The following CACNA2D2 variants were observed in gnomAD, a reference collection of about 807,000 sequenced individuals.
The protein encoded by CACNA2D2 is calcium voltage-gated channel auxiliary subunit alpha2delta 2.
Under a neutral mutation model 166.4 loss-of-function variants are expected in CACNA2D2, and 48 were observed. That is an observed-to-expected ratio of 0.29 (90% confidence interval 0.23 to 0.37). CACNA2D2 has a LOEUF of 0.37. Among genes scored for constraint, CACNA2D2 ranks in the 10% least tolerant of loss-of-function variants. CACNA2D2 has a pLI of 1.00. For missense variants in CACNA2D2, 1,122 were observed against 1,433.0 expected, an observed-to-expected ratio of 0.78 and a Z score of 3.50; for synonymous variants, 561 against 573.7, an observed-to-expected ratio of 0.98 and a Z score of 0.32.
Position 50,370,391 on chromosome 3 carries a change from A to G in CACNA2D2, c.1985-11T>C. 1 of 1,288,852 alleles carries G rather than the reference A, an allele frequency of 7.8e-7. No individual in the cohort carries two copies. The highest frequency in any genetic ancestry group is 1.2e-5 in the South Asian group (1 of 81,998). The allele number at this position is 1,288,852 out of a possible 1,614,324, so 79.8% of individuals were successfully genotyped here. A position where few individuals can be genotyped will look rare whatever the true frequency, so the allele number is the denominator to read the frequency against. On this transcript the variant is annotated splice_polypyrimidine_tract_variant and intron_variant, in intron 22 of 37. Coordinates refer to ENST00000424201, the MANE Select transcript of CACNA2D2 (RefSeq NM_006030.4). ...GCAGGAACTCAAAATCTGCAACAGA[A>G]ACGGGGGGTTATCCGGCGGGGGCTG...
At chr3:50,463,349 T>C (rs181450971) in intron 2 of CACNA2D2, among the ~76,000 whole-genome samples, 50 of 152,228 alleles carry the variant, frequency 3.3e-4, no homozygotes, top group Non-Finnish European at 4.4e-5. Flanking sequence ...TCACTCAGAC[T>C]GGCGTGCAGA....
chr3:50,483,080 C>T (rs1698122737), intron 1 of CACNA2D2, among the ~76,000 whole-genome samples: 1 of 152,216 alleles, frequency 6.6e-6, no homozygotes, highest in Admixed American at 6.5e-5. Context: ...CATGCTTGCT[C>T]AGCTGATTCA....
chr3:50,436,263 T>C (rs1708314607), intron 2 of CACNA2D2, among the ~76,000 whole-genome samples: 1 of 152,204 alleles, frequency 6.6e-6, no homozygotes, highest in African/African-American at 2.4e-5. Context: ...GGGGCACTGC[T>C]GCCCGGCTTC....
At chr3:50,411,026 C>A (rs1706988590) in intron 3 of CACNA2D2, among the ~76,000 whole-genome samples, 1 of 152,180 alleles carries the variant, frequency 6.6e-6, no homozygotes, top group Non-Finnish European at 1.5e-5. Flanking sequence ...CCAGAACTCC[C>A]CTCCTGAGGC....
At chr3:50,466,084 T>C (rs1028614623) in intron 2 of CACNA2D2, among the ~76,000 whole-genome samples, 3 of 152,236 alleles carry the variant, frequency 2.0e-5, no homozygotes, top group South Asian at 4.1e-4. Flanking sequence ...CTGTGAGCAC[T>C]GGATTAGGGA....
intron 6 of CACNA2D2, among the ~76,000 whole-genome samples, chr3:50,382,664 T>A (rs1425948119): frequency 6.6e-6 from 1 of 152,238 alleles, no homozygotes; most frequent in Non-Finnish European, 1.5e-5. Context: ...TTTCTATTTT[T>A]CTCTCTAAGG....
At chr3:50,449,518 G>C (rs1709008776) in intron 2 of CACNA2D2, among the ~76,000 whole-genome samples, 1 of 152,156 alleles carries the variant, frequency 6.6e-6, no homozygotes, top group African/African-American at 2.4e-5. Flanking sequence ...TAGTGGTTGG[G>C]ACTAGGGGGT....
rs372104543 is a variant in CACNA2D2 at position 50,501,487 on chromosome 3, G to A, written c.206+1731C>T. ...AACAGCGTCCAGCTGGAAGTGTGTC[G>A]CTGCCGTCACACCCGCCTCGCCATC... On this transcript the variant is annotated intron_variant, in intron 1 of 37. Transcript: ENST00000424201. Among the ~76,000 whole-genome samples the A allele has an allele frequency of 3.9e-4, 59 of 151,008 alleles. 1 individual carries two copies. The East Asian group carries it at 4.3e-3, about 11-fold the overall frequency.
chr3:50,438,895 C>G (rs1008803298), intron 2 of CACNA2D2, among the ~76,000 whole-genome samples: 1 of 152,198 alleles, frequency 6.6e-6, no homozygotes, highest in African/African-American at 2.4e-5. Flanking sequence ...AGGAACAGCC[C>G]TGTTTGCCCC....
intron 6 of CACNA2D2, among the ~76,000 whole-genome samples, chr3:50,382,555 C>A (rs926236485): frequency 6.6e-6 from 1 of 152,202 alleles, no homozygotes; most frequent in Non-Finnish European, 1.5e-5. Flanking sequence ...CGTAACTGAC[C>A]ATAATGTGAA....
chr3:50,394,060 G>A lies in CACNA2D2; in HGVS notation c.465+49C>T, dbSNP rs373311183. 9.0e-6 allele frequency: 14 copies of A among 1,556,020 alleles called. No individual in the cohort carries two copies. The East Asian group carries it at 1.1e-4, about 12-fold the overall frequency. Reference sequence around the variant, plus strand: ...CCCACCCCCCAGCATTCAAATCCACGCATGGATGGGCATGCCCTAAGTGCT... The same window carrying A: ...CCCACCCCCCAGCATTCAAATCCACACATGGATGGGCATGCCCTAAGTGCT... On this transcript the variant is annotated intron_variant, in intron 4 of 37. Transcript: ENST00000424201.
Position 50,367,053 on chromosome 3 carries a change from CT to C in CACNA2D2, c.2457del (p.Ala820LeufsTer6). Reference sequence around the variant, plus strand: ...CGCCTGCCTAGGCTGAGCTCCACAGCTGTGCTGACGAGGATGCCCACAGTGT... The same window carrying C: ...CGCCTGCCTAGGCTGAGCTCCACAGCGTGCTGACGAGGATGCCCACAGTGT... ...ENDTVGILVS[T>X]AVELSLGRRT... is the part of the protein sequence containing the mutation. On this transcript the variant is annotated frameshift_variant, in exon 28 of 38. Transcript: ENST00000424201. LOFTEE classifies it high-confidence loss of function. The surrounding 1 kb of genome is among the most constrained non-coding windows in gnomAD (Gnocchi z 6.5). 1 of 1,613,828 alleles carries C rather than the reference CT, an allele frequency of 6.2e-7. No individual in the cohort carries two copies. Among genetic ancestry groups the C allele is most frequent in the Non-Finnish European group, 8.5e-7 (1 of 1,180,036 alleles).
At chr3:50,446,040 C>A (rs1304856050) in intron 2 of CACNA2D2, among the ~76,000 whole-genome samples, 3 of 152,246 alleles carry the variant, frequency 2.0e-5, no homozygotes, top group Non-Finnish European at 4.4e-5. Context: ...GTTTGCCATG[C>A]AAACAAACTG....
At chr3:50,399,268 A>C (rs184159033) in intron 3 of CACNA2D2, among the ~76,000 whole-genome samples, 195 of 152,348 alleles carry the variant, frequency 1.3e-3, no homozygotes, top group Non-Finnish European at 2.4e-3. Flanking sequence ...GGGTCTGAGG[A>C]GCAACTGCCC....
chr3:50,415,323 G>T (rs1351782610), intron 3 of CACNA2D2, among the ~76,000 whole-genome samples: 1 of 152,208 alleles, frequency 6.6e-6, no homozygotes, highest in Non-Finnish European at 1.5e-5. Context: ...TGGGTCCAGG[G>T]TTGGGTTTGA....
At chr3:50,438,700 G>A (rs910392682) in intron 2 of CACNA2D2, among the ~76,000 whole-genome samples, 2 of 152,162 alleles carry the variant, frequency 1.3e-5, no homozygotes, top group Non-Finnish European at 2.9e-5. Flanking sequence ...AAGGCCTCAG[G>A]ACAAGTGACC....
chr3:50,381,938 C>A lies in CACNA2D2; in HGVS notation c.653-812G>T, dbSNP rs182695454. On this transcript the variant is annotated intron_variant, in intron 6 of 37. Transcript: ENST00000424201. The stretch of plus-strand genomic sequence containing the variant: ...TACCCCATTCTCCCTTCCCCCCAAC[C>A]CTTGTAGTTGCACGTGTGTGATCCC... 2.9e-3 allele frequency among the ~76,000 whole-genome samples: 433 copies of A among 151,332 alleles called. 3 individuals carry two copies. Among genetic ancestry groups the A allele is most frequent in the African/African-American group, 9.8e-3 (400 of 40,994 alleles).
intron 1 of CACNA2D2, among the ~76,000 whole-genome samples, chr3:50,488,763 G>C (rs1353382046): frequency 1.3e-5 from 2 of 151,652 alleles, no homozygotes; most frequent in Non-Finnish European, 2.9e-5. Context: ...GCAGTGATGT[G>C]ATCTCTGCTC....
rs1456109864 is a variant in CACNA2D2 at position 50,476,123 on chromosome 3, G to A, written c.283C>T (p.Arg95Cys). ...GCAAGTGGCACCGGGCTCACCTCAC[G>A]GAGCTGCTGGACGCCTCCAAAAATC... Reference protein sequence around the residue: ...MRIFGGVQQLREIYKDNRNLF... With the variant: ...MRIFGGVQQLCEIYKDNRNLF... The change falls in exon 2 of 38, where the codon CGT (arginine) becomes TGT (cysteine). Residue 95 changes from arginine (R) to cysteine (C), a missense_variant. By Grantham distance (180) the Arg-to-Cys change is radical. This residue lies in a region of CACNA2D2 where 840 missense variants were observed against 1,166.8 expected (regional missense o/e 0.72). Transcript: ENST00000424201. 7 of 1,599,368 alleles carry A rather than the reference G, an allele frequency of 4.4e-6. No homozygotes were observed. The highest frequency in any genetic ancestry group is 1.3e-5 in the African/African-American group (1 of 74,674).
Sources: allele counts gnomAD v4.1 joint callset (sites outside exome capture counted in the v4.1 genomes callset), GRCh38; gene constraint gnomAD v4.1.1; regional missense constraint gnomAD v4.1.1; non-coding constraint Gnocchi (gnomAD v3.1); transcripts MANE v1.5; gene names NCBI Gene and HGNC (gene_info 2026-07-23, HGNC 2026-07-21).